The following PDE6C variants were observed in gnomAD, a reference collection of about 807,000 sequenced individuals.
The protein encoded by PDE6C is phosphodiesterase 6C.
In PDE6C, 75 loss-of-function variants were observed where a neutral mutation model predicts 113.1. The ratio of observed to expected loss-of-function variants is 0.66; its 90% CI spans 0.55 to 0.80. The LOEUF (loss-of-function observed/expected upper bound fraction) is 0.80, where lower values mean the gene tolerates loss of function less well. PDE6C is among the 30% of genes least tolerant of loss of function. The pLI is 0.00. For synonymous variants in PDE6C, 375 were observed against 363.7 expected (o/e 1.03, Z -0.35); for missense variants, 912 against 1,038.6 (o/e 0.88, Z 1.67).
chr10:93,637,509 G>A lies in PDE6C; in HGVS notation c.1482+446G>A, dbSNP rs533533596. ...CATTCTTTCGTGTTGTTGCCAGTAG[G>A]CCATCCCTATTATTTTTCTTTGAAA... is the stretch of plus-strand genomic sequence containing the variant. On this transcript the variant is annotated intron_variant, in intron 11 of 21. Coordinates refer to ENST00000371447, the MANE Select transcript of PDE6C (RefSeq NM_006204.4). Among the ~76,000 whole-genome samples the A allele has an allele frequency of 5.9e-5, 9 of 152,168 alleles. No homozygotes were observed. The East Asian group carries it at 1.7e-3, about 29-fold the overall frequency.
chr10:93,629,145 A>G (rs1444617973), intron 7 of PDE6C, 113 bp from the exon 8 acceptor site: 1 of 875,068 alleles, frequency 1.1e-6, no homozygotes, highest in East Asian at 2.4e-5. Context: ...CAAGCAGTCA[A>G]GAGCCGTGTA....
chr10:93,629,994 C>A (rs138734412), intron 8 of PDE6C, among the ~76,000 whole-genome samples: 7 of 152,140 alleles, frequency 4.6e-5, no homozygotes, highest in Non-Finnish European at 1.0e-4. Context: ...GCTCAATAAA[C>A]GTTCTCTGCA....
Position 93,626,712 on chromosome 10 carries a change from T to C in PDE6C, c.1004+8T>C, listed in dbSNP as rs1374739332. 3.1e-6 allele frequency: 5 copies of C among 1,605,608 alleles called. No individual in the cohort carries two copies. Among genetic ancestry groups the C allele is most frequent in the African/African-American group, 1.3e-5 (1 of 74,772 alleles). ...AGAGATCAAAGTGATTCCGTGAGTA[T>C]TGGCAGGAAGTTGCTGCCGCAGTTG... On this transcript the variant is annotated splice_region_variant and intron_variant, in intron 6 of 21. Transcript: ENST00000371447.
rs2058686977 is a variant in PDE6C at position 93,665,697 on chromosome 10, A to G, written c.*279A>G. Reference sequence around the variant, plus strand: ...AACTAGTCACAAATTCTTTTTTAAAACATTAATTGTATTTATTTGCTAAGG... The same window carrying G: ...AACTAGTCACAAATTCTTTTTTAAAGCATTAATTGTATTTATTTGCTAAGG... On this transcript the variant is annotated 3_prime_UTR_variant, in exon 22 of 22. Coordinates refer to ENST00000371447, the MANE Select transcript of PDE6C (RefSeq NM_006204.4). 1 of 436,310 alleles carries G rather than the reference A, an allele frequency of 2.3e-6. No homozygotes were observed. The highest frequency in any genetic ancestry group is 4.8e-5 in the East Asian group (1 of 20,762). 27.0% of individuals were successfully genotyped at this position (436,310 alleles called of 1,614,324 possible). A position where few individuals can be genotyped will look rare whatever the true frequency, so the allele number is the denominator to read the frequency against.
In PDE6C at chr10:93,665,491, T is replaced by TCAA. The variant is rs1422261471; in HGVS notation, c.*77_*79dup. 4.0e-6 allele frequency: 4 copies of TCAA among 989,944 alleles called. No homozygotes were observed. The highest frequency in any genetic ancestry group is 1.6e-5 in the African/African-American group (1 of 62,998). The allele number at this position is 989,944 out of a possible 1,614,324, so 61.3% of individuals were successfully genotyped here. A position where few individuals can be genotyped will look rare whatever the true frequency, so the allele number is the denominator to read the frequency against. On this transcript the variant is annotated 3_prime_UTR_variant, in exon 22 of 22. Transcript: ENST00000371447. ...AAACCAGAAAACATTCAAAAGAACT[T>TCAA]CAACAAATCATCACGTAACAGGATC...
At chr10:93,660,561 C>T (rs922997544) in intron 18 of PDE6C, among the ~76,000 whole-genome samples, 6 of 152,096 alleles carry the variant, frequency 3.9e-5, no homozygotes, top group South Asian at 2.1e-4. Flanking sequence ...GGGAGAAGGT[C>T]GGGGGAAGGT....
At chr10:93,613,967 C>T (rs889729291) in intron 1 of PDE6C, among the ~76,000 whole-genome samples, 1 of 152,090 alleles carries the variant, frequency 6.6e-6, no homozygotes, top group Non-Finnish European at 1.5e-5. Context: ...TTATTCTTAC[C>T]ATTAGAGTAC....
intron 11 of PDE6C, 108 bp from the exon 12 acceptor site, chr10:93,639,962 C>T: frequency 2.7e-6 from 3 of 1,127,798 alleles, no homozygotes; most frequent in Non-Finnish European, 1.4e-6. Flanking sequence ...GTGAATCACA[C>T]ATTGTGTTCT....
intron 8 of PDE6C, among the ~76,000 whole-genome samples, chr10:93,632,762 A>G (rs1014339341): frequency 6.6e-6 from 1 of 152,224 alleles, no homozygotes; most frequent in Non-Finnish European, 1.5e-5. Flanking sequence ...TATGCACTGC[A>G]TCTTTTTTCT....
chr10:93,655,213 T>C (rs1164569574), intron 15 of PDE6C, among the ~76,000 whole-genome samples: 1 of 152,166 alleles, frequency 6.6e-6, no homozygotes, highest in Non-Finnish European at 1.5e-5. Flanking sequence ...CTTGGTAAAA[T>C]AGAATTGCAT....
At chr10:93,614,891 A>G (rs904493369) in intron 1 of PDE6C, among the ~76,000 whole-genome samples, 1 of 152,148 alleles carries the variant, frequency 6.6e-6, no homozygotes, top group African/African-American at 2.4e-5. Context: ...TTGAAGACAG[A>G]TACGGTTCTG....
At position 93,612,592 on chromosome 10, in the gene PDE6C, G is replaced by T; in HGVS notation, c.-134G>T. On this transcript the variant is annotated 5_prime_UTR_variant, in exon 1 of 22. Coordinates refer to ENST00000371447, the MANE Select transcript of PDE6C (RefSeq NM_006204.4). ...AAGCTCTGCTTTCTGCTTGACCTTT[G>T]GAAGTCCTATGAGGGACCATTTACG... The T allele has an allele frequency of 8.3e-7, 1 of 1,209,818 alleles. No homozygotes were observed. The highest frequency in any genetic ancestry group is 1.2e-6 in the Non-Finnish European group (1 of 828,820). 74.9% of individuals were successfully genotyped at this position (1,209,818 alleles called of 1,614,324 possible). A position where few individuals can be genotyped will look rare whatever the true frequency, so the allele number is the denominator to read the frequency against.
intron 15 of PDE6C, among the ~76,000 whole-genome samples, chr10:93,650,254 T>C (rs769706965): frequency 3.3e-5 from 5 of 152,166 alleles, no homozygotes; most frequent in Non-Finnish European, 7.4e-5. Context: ...CATGATTCAT[T>C]CCTTTTTTTA....
At chr10:93,663,738 G>A (rs2058677351) in intron 21 of PDE6C, among the ~76,000 whole-genome samples, 1 of 151,968 alleles carries the variant, frequency 6.6e-6, no homozygotes, top group African/African-American at 2.4e-5. Flanking sequence ...TTTTTTTCTG[G>A]CATGAAATTT....
At chr10:93,617,443 A>G (rs1332404098) in intron 1 of PDE6C, among the ~76,000 whole-genome samples, 2 of 152,192 alleles carry the variant, frequency 1.3e-5, no homozygotes, top group Non-Finnish European at 2.9e-5. Flanking sequence ...ATAAAATGGC[A>G]TTAAGTTTGA....
intron 11 of PDE6C, among the ~76,000 whole-genome samples, chr10:93,638,254 A>G (rs1293177436): frequency 2.0e-5 from 3 of 151,874 alleles, no homozygotes; most frequent in South Asian, 2.1e-4. Flanking sequence ...CTCCCTTTCC[A>G]TCTTTTGTGG....
intron 1 of PDE6C, among the ~76,000 whole-genome samples, chr10:93,616,331 A>C (rs758245204): frequency 6.6e-6 from 1 of 151,958 alleles, no homozygotes. Flanking sequence ...AGAACTACAT[A>C]CTCCCAACCT....
At chr10:93,636,702 C>A (rs1002350427) in intron 10 of PDE6C, among the ~76,000 whole-genome samples, 1 of 151,906 alleles carries the variant, frequency 6.6e-6, no homozygotes, top group Non-Finnish European at 1.5e-5. Flanking sequence ...TAATCAGGTG[C>A]TATAGGTCTT....
chr10:93,647,654 T>C (rs2133870810), intron 15 of PDE6C, among the ~76,000 whole-genome samples: 1 of 152,264 alleles, frequency 6.6e-6, no homozygotes, highest in East Asian at 1.9e-4. Flanking sequence ...CTCATTAATT[T>C]AACAGGGCGG....
Sources: gnomAD v4.1 joint callset for allele counts (sites outside exome capture counted in the v4.1 genomes callset) on GRCh38, gnomAD v4.1.1 for gene constraint, MANE v1.5 for transcripts, NCBI Gene and HGNC (gene_info 2026-07-23, HGNC 2026-07-21) for gene names.